The following ASRGL1 variants were observed in gnomAD, a reference collection of about 807,000 sequenced individuals.
ASRGL1 encodes asparaginase and isoaspartyl peptidase 1.
ASRGL1 carries 16 observed loss-of-function variants against 22.4 expected under a neutral mutation model. The ratio of observed to expected loss-of-function variants is 0.71; its 90% CI spans 0.48 to 1.08. The LOEUF (loss-of-function observed/expected upper bound fraction) is 1.08, where lower values mean the gene tolerates loss of function less well. Ranked by LOEUF, ASRGL1 falls within the 50% of genes least tolerant of loss-of-function variation. ASRGL1 has a pLI of 0.00. For missense variants in ASRGL1, 412 were observed against 410.1 expected, an observed-to-expected ratio of 1.00 and a Z score of -0.04; for synonymous variants, 165 against 159.3, an observed-to-expected ratio of 1.04 and a Z score of -0.27.
chr11:62,345,979 G>A (rs1315664902), intron 2 of ASRGL1, among the ~76,000 whole-genome samples: 1 of 152,158 alleles, frequency 6.6e-6, no homozygotes, highest in African/African-American at 2.4e-5. Flanking sequence ...ACCAGTACCT[G>A]GGGGTTGGGG....
intron 4 of ASRGL1, among the ~76,000 whole-genome samples, chr11:62,364,935 G>C (rs1048435298): frequency 2.0e-5 from 3 of 151,904 alleles, no homozygotes; most frequent in African/African-American, 7.3e-5. Flanking sequence ...TGGGCGTGGT[G>C]GTGGGTGCCT....
At chr11:62,395,560 T>G (rs958393832), downstream of ASRGL1, among the ~76,000 whole-genome samples, 4 of 151,958 alleles carry the variant, frequency 2.6e-5, no homozygotes, top group Non-Finnish European at 4.4e-5. Flanking sequence ...GCTTGAGGGA[T>G]TGTAAACTCT....
intron 2 of ASRGL1, among the ~76,000 whole-genome samples, chr11:62,339,958 A>G (rs1175511922): frequency 6.6e-6 from 1 of 152,130 alleles, no homozygotes; most frequent in Admixed American, 6.5e-5. Flanking sequence ...AACACTTGTG[A>G]AAAATTGTGT....
intron 2 of ASRGL1, among the ~76,000 whole-genome samples, chr11:62,341,984 C>A (rs1346820986): frequency 1.3e-5 from 2 of 152,046 alleles, no homozygotes; most frequent in Non-Finnish European, 2.9e-5. Context: ...TTTAGTAAGG[C>A]CGTTTTTATT....
intron 4 of ASRGL1, among the ~76,000 whole-genome samples, chr11:62,361,573 C>T (rs776380851): frequency 2.7e-5 from 4 of 150,224 alleles, no homozygotes; most frequent in South Asian, 2.1e-4. Flanking sequence ...CTGCAACCTC[C>T]GCCTCCCAGG....
At chr11:62,382,323 C>G (rs1273299537) in intron 4 of ASRGL1, 1 of 152,024 alleles carries the variant, frequency 6.6e-6, no homozygotes, top group African/African-American at 2.4e-5. Context: ...TCTCTACCAT[C>G]TGGAGAGGGG....
intron 2 of ASRGL1, among the ~76,000 whole-genome samples, chr11:62,341,086 A>G (rs922575875): frequency 6.6e-6 from 1 of 152,142 alleles, no homozygotes; most frequent in East Asian, 1.9e-4. Context: ...TAGATTGGCA[A>G]CCAAATGACC....
chr11:62,371,045 GA>G (rs112681053), intron 4 of ASRGL1: 114,480 of 399,498 alleles, frequency 0.29, 2,677 homozygotes, highest in Middle Eastern at 0.36. Flanking sequence ...TCTGGGCCAG[GA>G]AAAAAAAAAA....
rs148289442 is a variant in ASRGL1 at position 62,378,306 on chromosome 11, G to A, written c.492-10827G>A. 1.6e-3 allele frequency among the ~76,000 whole-genome samples: 243 copies of A among 152,270 alleles called. 3 individuals are homozygous for A. The highest frequency in any genetic ancestry group is 6.8e-3 in the Middle Eastern group (2 of 294). On this transcript the variant is annotated intron_variant, in intron 4 of 6. Coordinates refer to ENST00000415229, the MANE Select transcript of ASRGL1 (RefSeq NM_001083926.2). Reference sequence around the variant, plus strand: ...CCTCTGCTTGCAGAAATGTATAACAGTTAATTAATTTGTCTCTCATTTCTG... The same window carrying A: ...CCTCTGCTTGCAGAAATGTATAACAATTAATTAATTTGTCTCTCATTTCTG...
At chr11:62,353,435 C>T (rs1946212057) in intron 2 of ASRGL1, among the ~76,000 whole-genome samples, 1 of 151,864 alleles carries the variant, frequency 6.6e-6, no homozygotes, top group Non-Finnish European at 1.5e-5. Flanking sequence ...ACCTCAAACC[C>T]CTGGCTCAAG....
intron 4 of ASRGL1, among the ~76,000 whole-genome samples, chr11:62,362,052 A>G (rs1946447200): frequency 6.6e-6 from 1 of 152,206 alleles, no homozygotes. Context: ...AGAGATGTAC[A>G]AGCAAGAAGC....
At chr11:62,359,100 C>T (rs1590722464) in intron 4 of ASRGL1, among the ~76,000 whole-genome samples, 1 of 152,112 alleles carries the variant, frequency 6.6e-6, no homozygotes, top group Non-Finnish European at 1.5e-5. Context: ...GTAGAAGTTG[C>T]ACATGGGGAC....
At chr11:62,367,909 T>C (rs1353569873) in intron 4 of ASRGL1, among the ~76,000 whole-genome samples, 1 of 152,162 alleles carries the variant, frequency 6.6e-6, no homozygotes, top group Non-Finnish European at 1.5e-5. Flanking sequence ...GCCACTGCAC[T>C]CCAGCCTGGG....
intron 4 of ASRGL1, among the ~76,000 whole-genome samples, chr11:62,360,367 T>G (rs1271787145): frequency 6.6e-6 from 1 of 151,948 alleles, no homozygotes; most frequent in Non-Finnish European, 1.5e-5. Context: ...TAGCTCTTTA[T>G]TTTTTTATGA....
the ASRGL1 span, among the ~76,000 whole-genome samples, chr11:62,398,699 C>T: frequency 1.3e-5 from 2 of 152,236 alleles, no homozygotes; most frequent in Admixed American, 1.3e-4. Flanking sequence ...CATTGCAGGC[C>T]GGCATGTCTC....
intron 4 of ASRGL1, among the ~76,000 whole-genome samples, chr11:62,367,588 G>A (rs1946645116): frequency 6.6e-6 from 1 of 151,872 alleles, no homozygotes; most frequent in African/African-American, 2.4e-5. Flanking sequence ...AGGTTGCGGT[G>A]AGCTGAGATC....
intron 4 of ASRGL1, among the ~76,000 whole-genome samples, chr11:62,360,485 T>A (rs1016251649): frequency 1.3e-5 from 2 of 152,064 alleles, no homozygotes; most frequent in African/African-American, 4.8e-5. Flanking sequence ...AAAAGAATGC[T>A]ATAAAGTGGA....
chr11:62,347,530 C>T (rs1478243101), intron 2 of ASRGL1, among the ~76,000 whole-genome samples: 1 of 152,066 alleles, frequency 6.6e-6, no homozygotes, highest in African/African-American at 2.4e-5. Flanking sequence ...CTTCCAAGTA[C>T]TTTAGGAGCT....
intron 2 of ASRGL1, among the ~76,000 whole-genome samples, 188 bp from the exon 3 acceptor site, chr11:62,356,137 T>C (rs1203018064): frequency 2.6e-5 from 4 of 152,178 alleles, no homozygotes; most frequent in Middle Eastern, 3.2e-3. Flanking sequence ...AGCTGTTGGG[T>C]ACACCTCCCA....
Sources: allele counts gnomAD v4.1 joint callset (sites outside exome capture counted in the v4.1 genomes callset), GRCh38; gene constraint gnomAD v4.1.1; transcripts MANE v1.5; gene names NCBI Gene and HGNC (gene_info 2026-07-23, HGNC 2026-07-21).